Variants in UGGT1 observed in about 807,000 individuals in gnomAD.
The protein encoded by UGGT1 is UDP-glucose:glycoprotein glucosyltransferase 1.
In UGGT1, 107 loss-of-function variants were observed where a neutral mutation model predicts 203.9. The ratio of observed to expected loss-of-function variants is 0.52; its 90% confidence interval spans 0.45 to 0.62. The LOEUF (loss-of-function observed/expected upper bound fraction) is 0.62, where lower values mean the gene tolerates loss of function less well. Ranked by LOEUF, UGGT1 falls within the 20% of genes least tolerant of loss-of-function variation. The pLI is 0.00. For missense variants in UGGT1, 1,673 were observed against 1,867.2 expected, an observed-to-expected ratio of 0.90 and a Z score of 1.92; for synonymous variants, 628 against 653.5, an observed-to-expected ratio of 0.96 and a Z score of 0.59.
At chr2:128,148,671 C>G (rs933434386) in intron 18 of UGGT1, among the ~76,000 whole-genome samples, 1 of 152,180 alleles carries the variant, frequency 6.6e-6, no homozygotes, top group African/African-American at 2.4e-5. Flanking sequence ...TCACGTACCC[C>G]TGGGCATGGT....
At position 128,184,565 on chromosome 2, in the gene UGGT1, C is replaced by A. The variant is rs961900643; in HGVS notation, c.4359+776C>A. Among the ~76,000 whole-genome samples the A allele has an allele frequency of 2.0e-5, 3 of 152,288 alleles. No homozygotes were observed. In the East Asian group the frequency reaches 5.8e-4, roughly 29 times the overall value. On this transcript the variant is annotated intron_variant, in intron 38 of 40. Coordinates refer to ENST00000259253, the MANE Select transcript of UGGT1 (RefSeq NM_020120.4). ...CTAGCATCACGACTTTTATGGTAAT[C>A]ATTTTTGTTTCTTTATAGATTTACT...
In UGGT1 at chr2:128,180,985, G is replaced by C. The variant is rs759109996; in HGVS notation, c.3996G>C (p.Gln1332His). 6.2e-6 allele frequency: 10 copies of C among 1,614,158 alleles called. 1 individual carries two copies. The South Asian group carries it at 1.1e-4, about 18-fold the overall frequency. ...PRWLHQQTEK[Q>H]RIIWGYKILF... is the part of the protein sequence containing the mutation. ...GGCTTCATCAACAAACTGAAAAACAGCGTATCATCTGGGGTTACAAGATCC... is the reference window on the plus strand; with the variant it reads ...GGCTTCATCAACAAACTGAAAAACACCGTATCATCTGGGGTTACAAGATCC... The change falls in exon 36 of 41, where the codon CAG becomes CAC. Residue 1332 changes from glutamine to histidine, a missense_variant. Physicochemically the swap from Gln to His is conservative, Grantham distance 24 (BLOSUM62 0). Transcript: ENST00000259253.
chr2:128,148,467 A>G (rs1689798349), intron 18 of UGGT1, among the ~76,000 whole-genome samples: 1 of 152,190 alleles, frequency 6.6e-6, no homozygotes, highest in South Asian at 2.1e-4. Flanking sequence ...TGATGAACGA[A>G]CAGAGATTTC....
At chr2:128,129,322 T>C in intron 13 of UGGT1, 143 bp downstream of exon 13, 1 of 1,000,280 alleles carries the variant, frequency 1.0e-6, no homozygotes, top group South Asian at 1.9e-5. Context: ...ATATGGGACT[T>C]TGTGTATGTA....
In UGGT1 at chr2:128,171,170, A is replaced by G. The variant is rs750558488; in HGVS notation, c.3025-35A>G. Reference sequence around the variant, plus strand: ...AAATAATAAATTTCTGAAGAAAAAAATCCTAAATATTTTGTCATCTGGTTT... The same window carrying G: ...AAATAATAAATTTCTGAAGAAAAAAGTCCTAAATATTTTGTCATCTGGTTT... On this transcript the variant is annotated intron_variant, in intron 27 of 40. Transcript: ENST00000259253. 69 of 1,579,324 alleles carry G rather than the reference A, an allele frequency of 4.4e-5. 1 individual carries two copies. The highest frequency in any genetic ancestry group is 5.3e-5 in the Non-Finnish European group (62 of 1,161,994).
intron 26 of UGGT1, among the ~76,000 whole-genome samples, chr2:128,166,525 T>C (rs1690797332): frequency 6.6e-6 from 1 of 152,196 alleles, no homozygotes; most frequent in African/African-American, 2.4e-5. Context: ...TCTACAACTG[T>C]TTTTTGTATT....
At chr2:128,135,033 C>G in intron 15 of UGGT1, 72 bp downstream of exon 15, 2 of 1,279,530 alleles carry the variant, frequency 1.6e-6, no homozygotes, top group South Asian at 1.2e-5. Context: ...AAATGCAAGT[C>G]TGGTGCTACT....
chr2:128,183,911 T>G (rs980635284), intron 38 of UGGT1, 122 bp downstream of exon 38: 7 of 370,380 alleles, frequency 1.9e-5, no homozygotes, highest in Non-Finnish European at 3.0e-5. Context: ...TTTTTCATGG[T>G]GTGTGTGTGT....
chr2:128,188,572 C>T (rs1692107310), intron 40 of UGGT1, among the ~76,000 whole-genome samples: 1 of 152,148 alleles, frequency 6.6e-6, no homozygotes, highest in Non-Finnish European at 1.5e-5. Flanking sequence ...AATAATTGTA[C>T]ATATTTGTGG....
rs886417399 is a variant in UGGT1 at position 128,170,537 on chromosome 2, A to C, written c.3024+147A>C. ...GTTCTAGGGCAGAGCAATCTTTACA[A>C]AGATTGACAGTGGCTGTGAAACAGC... On this transcript the variant is annotated intron_variant, in intron 27 of 40. Coordinates refer to ENST00000259253, the MANE Select transcript of UGGT1 (RefSeq NM_020120.4). The C allele has an allele frequency of 2.0e-5, 13 of 651,052 alleles. No homozygotes were observed. The East Asian group carries it at 3.6e-4, about 18-fold the overall frequency. The allele number at this position is 651,052 out of a possible 1,614,324, so 40.3% of individuals were successfully genotyped here.
intron 3 of UGGT1, 79 bp from the exon 4 acceptor site, chr2:128,107,859 G>T: frequency 6.3e-7 from 1 of 1,586,608 alleles, no homozygotes; most frequent in Non-Finnish European, 8.6e-7. Context: ...TGTAAACACA[G>T]CTTTGTGCTT....
At chr2:128,121,170 A>G (rs756897941) in intron 9 of UGGT1, 29 bp from the exon 10 acceptor site, 13 of 1,605,582 alleles carry the variant, frequency 8.1e-6, no homozygotes, top group Admixed American at 3.3e-5. Flanking sequence ...AGATTAATCC[A>G]CTTTTAATTA....
chr2:128,139,754 T>G (rs1013126924), intron 16 of UGGT1: 1 of 153,598 alleles, frequency 6.5e-6, no homozygotes, highest in African/African-American at 2.4e-5. Context: ...GCAGGCAAAC[T>G]TGGGCAGTAC....
At chr2:128,114,470 T>G (rs1284419345) in intron 6 of UGGT1, among the ~76,000 whole-genome samples, 6 of 152,134 alleles carry the variant, frequency 3.9e-5, no homozygotes, top group Non-Finnish European at 7.4e-5. Context: ...TGAAGTCCAG[T>G]TTTTGATTCT....
In UGGT1 at chr2:128,164,312, T is replaced by G. The variant is rs1320179386; in HGVS notation, c.2826-418T>G. Reference sequence around the variant, plus strand: ...AAGTATAGAATTATGAGCCAAAATATCAGACCTTGTTACTTGATATTATGT... The same window carrying G: ...AAGTATAGAATTATGAGCCAAAATAGCAGACCTTGTTACTTGATATTATGT... On this transcript the variant is annotated intron_variant, in intron 25 of 40. Transcript: ENST00000259253. Among the ~76,000 whole-genome samples, 4 of 152,366 alleles carry G rather than the reference T, an allele frequency of 2.6e-5. No homozygotes were observed. The East Asian group carries it at 7.7e-4, about 29-fold the overall frequency.
chr2:128,177,933 T>A lies in UGGT1; in HGVS notation c.3713+13T>A, dbSNP rs543060525. 6.3e-7 allele frequency: 1 copy of A among 1,583,272 alleles called. No individual in the cohort carries two copies. Among genetic ancestry groups the A allele is most frequent in the East Asian group, 2.3e-5 (1 of 43,338 alleles). On this transcript the variant is annotated intron_variant, in intron 33 of 40. Transcript: ENST00000259253. ...ATTCCTTCAAATGGTAAGTTGACAT[T>A]GTAAGAGTTATGTTTTTAAGGAAAA...
intron 16 of UGGT1, chr2:128,140,377 T>C (rs988810238): frequency 6.5e-6 from 1 of 152,816 alleles, no homozygotes; most frequent in Admixed American, 6.6e-5. Flanking sequence ...GGAGAACTTG[T>C]CCCTGTCCAT....
intron 30 of UGGT1, among the ~76,000 whole-genome samples, chr2:128,174,521 G>A (rs1279681846): frequency 6.6e-6 from 1 of 151,958 alleles, no homozygotes; most frequent in Non-Finnish European, 1.5e-5. Context: ...GGCTGGTCTC[G>A]AACTCCTCAC....
rs1689318385 is a variant in UGGT1 at position 128,139,803 on chromosome 2, T to G, written c.1719+951T>G. 4 of 153,206 alleles carry G rather than the reference T, an allele frequency of 2.6e-5. No homozygotes were observed. In the Admixed American group the frequency reaches 2.6e-4, roughly 10 times the overall value. The allele number at this position is 153,206 out of a possible 1,614,324, so 9.5% of individuals were successfully genotyped here. ...TACACATCTGAGCAGCTGCACCTGC[T>G]CCACCTGCTGCCGTGTCACTTGTTG... On this transcript the variant is annotated intron_variant, in intron 16 of 40. Transcript: ENST00000259253.
Sources: gnomAD v4.1 joint callset for allele counts (sites outside exome capture counted in the v4.1 genomes callset) on GRCh38, gnomAD v4.1.1 for gene constraint, MANE v1.5 for transcripts, NCBI Gene and HGNC (gene_info 2026-07-23, HGNC 2026-07-21) for gene names.